PPM1D: variants seen among roughly 807,000 people sequenced by gnomAD.
PPM1D encodes the protein protein phosphatase, Mg2+/Mn2+ dependent 1D, also known as protein phosphatase 1D.
PPM1D carries 52 observed loss-of-function variants against 58.3 expected under a neutral mutation model. The observed-to-expected ratio is 0.89, with a 90% CI of 0.71 to 1.12. The LOEUF (loss-of-function observed/expected upper bound fraction) is 1.12, where lower values mean the gene tolerates loss of function less well. Ranked by LOEUF, PPM1D falls within the 50% of genes most tolerant of loss-of-function variation. The pLI is 0.00. For missense variants in PPM1D, 564 were observed against 777.2 expected, an observed-to-expected ratio of 0.73 and a Z score of 3.26; for synonymous variants, 278 against 285.1, an observed-to-expected ratio of 0.98 and a Z score of 0.25.
chr17:60,608,770 C>T (rs1458888384), intron 1 of PPM1D, among the ~76,000 whole-genome samples: 3 of 149,606 alleles, frequency 2.0e-5, no homozygotes, highest in Non-Finnish European at 4.4e-5. Flanking sequence ...TTTTTTGACA[C>T]AGAGTCTCGC....
rs1212808707 is a variant in PPM1D, at chr17:60,637,497, C to T, written c.826+3520C>T. Among the ~76,000 whole-genome samples the T allele has an allele frequency of 3.3e-5, 5 of 152,122 alleles. No individual in the cohort carries two copies. In the East Asian group the frequency reaches 7.7e-4, roughly 23 times the overall value. Reference sequence around the variant, plus strand: ...TGGAACATCAGTGTAAAGGAGAGGTCGGAAGTTCAGTTTTGGACACATTAC... The same window carrying T: ...TGGAACATCAGTGTAAAGGAGAGGTTGGAAGTTCAGTTTTGGACACATTAC... On this transcript the variant is annotated intron_variant, in intron 3 of 5. Coordinates refer to ENST00000305921, the MANE Select transcript of PPM1D (RefSeq NM_003620.4).
In PPM1D at chr17:60,648,029, C is replaced by T; in HGVS notation, c.964C>T (p.Pro322Ser). ...TGATGGACTTTGGAATATGATTCCACCACAAGATGCCATCTCAATGTGCCA... is the reference window on the plus strand; with the variant it reads ...TGATGGACTTTGGAATATGATTCCATCACAAGATGCCATCTCAATGTGCCA... ...GSDGLWNMIP[P>S]QDAISMCQDQ... Residue 322 changes from proline (P) to serine (S), a missense_variant, in exon 4 of 6, where the codon CCA becomes TCA. This residue lies in a region of PPM1D where 34 missense variants were observed against 34.3 expected (regional missense o/e 0.99). Transcript: ENST00000305921. 1 of 1,613,672 alleles carries T rather than the reference C, an allele frequency of 6.2e-7. No homozygotes were observed. The highest frequency in any genetic ancestry group is 8.5e-7 in the Non-Finnish European group (1 of 1,179,940).
At chr17:60,648,384 T>C (rs989163568) in intron 4 of PPM1D, among the ~76,000 whole-genome samples, 1 of 147,792 alleles carries the variant, frequency 6.8e-6, no homozygotes, top group African/African-American at 2.7e-5. Flanking sequence ...ATAAAATTTA[T>C]CGTTTTTTTT....
chr17:60,636,839 C>T (rs553321239), intron 3 of PPM1D, among the ~76,000 whole-genome samples: 1 of 152,178 alleles, frequency 6.6e-6, no homozygotes, highest in African/African-American at 2.4e-5. Context: ...TCACACCCAA[C>T]TAATTTTTAA....
chr17:60,649,091 T>G (rs2031299348), intron 4 of PPM1D, among the ~76,000 whole-genome samples: 1 of 151,774 alleles, frequency 6.6e-6, no homozygotes, highest in African/African-American at 2.4e-5. Context: ...CTTTTTTTGT[T>G]TTTTTTTCCC....
chr17:60,659,694 T>C (rs1598414343), intron 5 of PPM1D, among the ~76,000 whole-genome samples: 1 of 152,362 alleles, frequency 6.6e-6, no homozygotes, highest in East Asian at 1.9e-4. Context: ...TTAAAGTATG[T>C]ATTTTTAGGG....
intron 1 of PPM1D, among the ~76,000 whole-genome samples, chr17:60,610,861 G>A (rs2030439734): frequency 6.6e-6 from 1 of 152,176 alleles, no homozygotes; most frequent in Non-Finnish European, 1.5e-5. Context: ...TGCTTTCCAA[G>A]GTGTTTATAC....
intron 2 of PPM1D, 85 bp downstream of exon 2, chr17:60,623,834 C>A: frequency 7.7e-7 from 1 of 1,302,784 alleles, no homozygotes; most frequent in Non-Finnish European, 1.1e-6. Context: ...TACTACTGTC[C>A]CTTTTACTGA....
At chr17:60,643,000 G>A (rs532886244) in intron 3 of PPM1D, among the ~76,000 whole-genome samples, 3 of 150,010 alleles carry the variant, frequency 2.0e-5, no homozygotes, top group South Asian at 4.2e-4. Flanking sequence ...CCCAGGAGGC[G>A]AGATCACGCC....
intron 4 of PPM1D, among the ~76,000 whole-genome samples, chr17:60,652,557 T>G (rs549863722): frequency 2.1e-5 from 3 of 145,300 alleles, no homozygotes; most frequent in South Asian, 2.2e-4. Flanking sequence ...TCTGTTTTTT[T>G]TTTTTTTTTT....
intron 3 of PPM1D, among the ~76,000 whole-genome samples, chr17:60,641,920 A>G (rs76351973): frequency 6.4e-4 from 98 of 152,328 alleles, no homozygotes; most frequent in African/African-American, 2.2e-3. Context: ...ACCAGAAAGC[A>G]GGCCTCCTCT....
At chr17:60,652,239 T>C (rs1169225508) in intron 4 of PPM1D, among the ~76,000 whole-genome samples, 1 of 152,002 alleles carries the variant, frequency 6.6e-6, no homozygotes, top group Admixed American at 6.6e-5. Context: ...AGTGAGATCA[T>C]GTCTTTCTGT....
intron 2 of PPM1D, among the ~76,000 whole-genome samples, chr17:60,628,527 C>A (rs975349631): frequency 6.6e-6 from 1 of 152,182 alleles, no homozygotes; most frequent in African/African-American, 2.4e-5. Context: ...CCCCCACTTA[C>A]TCCTGGCAAC....
intron 3 of PPM1D, among the ~76,000 whole-genome samples, chr17:60,641,115 C>G (rs2031125965): frequency 6.6e-6 from 1 of 152,120 alleles, no homozygotes; most frequent in South Asian, 2.1e-4. Context: ...TGGATGTATA[C>G]CCACTAACAG....
chr17:60,663,386 G>A lies in PPM1D; in HGVS notation c.1652G>A (p.Arg551Lys). Residue 551 changes from arginine (R) to lysine (K), a missense_variant, in exon 6 of 6, where the codon AGA (arginine) becomes AAA (lysine). Transcript: ENST00000305921. ...SNSGPLMKKH[R>K]RNGLSRSSGA... ...TCTGGCCCCCTGATGAAGAAGCATA[G>A]ACGAAATGGCTTAAGTCGAAGTAGT... 1 of 1,614,180 alleles carries A rather than the reference G, an allele frequency of 6.2e-7. No individual in the cohort carries two copies. Among genetic ancestry groups the A allele is most frequent in the Non-Finnish European group, 8.5e-7 (1 of 1,180,030 alleles).
rs2143655045 is a variant in PPM1D, at chr17:60,623,579, G to A, written c.531G>A (p.Val177=). ...GCACATCAGGGACAACTGCCAGTGT[G>A]GTCATCATTCGGGGCATGAAGATGT... is the stretch of plus-strand genomic sequence containing the variant. ...LPSTSGTTAS[V]VIIRGMKMYV... The change falls in exon 2 of 6, where the codon GTG becomes GTA. Residue 177 remains valine (V), a synonymous_variant. Transcript: ENST00000305921. The A allele has an allele frequency of 6.2e-7, 1 of 1,614,148 alleles. No homozygotes were observed. The highest frequency in any genetic ancestry group is 8.5e-7 in the Non-Finnish European group (1 of 1,180,044).
chr17:60,662,277 G>T (rs1240902736), intron 5 of PPM1D: 2 of 152,118 alleles, frequency 1.3e-5, no homozygotes, highest in African/African-American at 4.8e-5. Context: ...GATTACAGGG[G>T]TTAGCCAGTG....
intron 4 of PPM1D, among the ~76,000 whole-genome samples, chr17:60,652,351 G>C (rs1347511217): frequency 1.3e-5 from 2 of 151,840 alleles, no homozygotes; most frequent in African/African-American, 2.4e-5. Flanking sequence ...ATTTCATTGT[G>C]TATGTGTATA....
At chr17:60,640,040 T>C (rs1567972962) in intron 3 of PPM1D, among the ~76,000 whole-genome samples, 1 of 152,226 alleles carries the variant, frequency 6.6e-6, no homozygotes, top group Non-Finnish European at 1.5e-5. Flanking sequence ...CATGTTTGGC[T>C]GGATGTGGTG....
Sources: gnomAD v4.1 joint callset for allele counts (sites outside exome capture counted in the v4.1 genomes callset) on GRCh38, gnomAD v4.1.1 for gene constraint, gnomAD v4.1.1 regional missense constraint, MANE v1.5 for transcripts, NCBI Gene and HGNC (gene_info 2026-07-23, HGNC 2026-07-21) for gene names.